The following PRKAG2 variants were observed in gnomAD, a reference collection of about 807,000 sequenced individuals.
PRKAG2 encodes 5'-AMP-activated protein kinase subunit gamma-2.
A neutral mutation model predicts 69.6 loss-of-function variants in PRKAG2; 26 were observed. That is an observed-to-expected ratio of 0.37 (90% confidence interval 0.27 to 0.52). The LOEUF (loss-of-function observed/expected upper bound fraction) is 0.52. Ranked by LOEUF, PRKAG2 falls within the 20% of genes least tolerant of loss-of-function variation. The pLI is 0.90. For synonymous variants in PRKAG2, 293 were observed against 285.0 expected (o/e 1.03, Z -0.28); for missense variants, 557 against 740.0 (o/e 0.75, Z 2.87).
chr7:151,716,114 A>G (rs1406686854), intron 3 of PRKAG2, among the ~76,000 whole-genome samples: 5 of 152,172 alleles, frequency 3.3e-5, no homozygotes, highest in Non-Finnish European at 7.3e-5. Context: ...TCTCTTTGAT[A>G]AGTGCTGGAG....
intron 1 of PRKAG2, among the ~76,000 whole-genome samples, chr7:151,803,782 A>T (rs1440778240): frequency 2.6e-5 from 4 of 151,504 alleles, no homozygotes; most frequent in African/African-American, 9.7e-5. Flanking sequence ...TACTAAATAT[A>T]CAAAAATTAG....
At chr7:151,745,913 G>C (rs550496459) in intron 3 of PRKAG2, among the ~76,000 whole-genome samples, 1 of 152,330 alleles carries the variant, frequency 6.6e-6, no homozygotes, top group African/African-American at 2.4e-5. Context: ...CAGGCCAAGA[G>C]CTCTGAGGGC....
intron 3 of PRKAG2, among the ~76,000 whole-genome samples, chr7:151,725,527 A>C (rs534030434): frequency 9.9e-5 from 15 of 152,082 alleles, no homozygotes; most frequent in African/African-American, 3.6e-4. Context: ...GTACATTGGT[A>C]AATTTTATGT....
Position 151,795,788 on chromosome 7 carries a change from T to C in PRKAG2, c.115-9247A>G, listed in dbSNP as rs1207446931. Among the ~76,000 whole-genome samples, 4 of 146,028 alleles carry C rather than the reference T, an allele frequency of 2.7e-5. No homozygotes were observed. The East Asian group carries it at 8.3e-4, about 30-fold the overall frequency. On this transcript the variant is annotated intron_variant, in intron 1 of 15. Coordinates refer to ENST00000287878, the MANE Select transcript of PRKAG2 (RefSeq NM_016203.4). ...CTGAGCTTCTAGTCCGTCTGCCCAG[T>C]GGATTCGGGACTTTCCAGTTCCGAC...
At position 151,849,417 on chromosome 7, in the gene PRKAG2, T is replaced by C. The variant is rs1378804253; in HGVS notation, c.114+27090A>G. 3.9e-5 allele frequency among the ~76,000 whole-genome samples: 6 copies of C among 152,356 alleles called. No homozygotes were observed. In the South Asian group the frequency reaches 1.2e-3, roughly 32 times the overall value. ...GAATCTCCGTGCCTCAGTTTCTCCA[T>C]GTCCCTATTAGTCTCTGTGTCTAGA... is the stretch of plus-strand genomic sequence containing the variant. On this transcript the variant is annotated intron_variant, in intron 1 of 15. Coordinates refer to ENST00000287878, the MANE Select transcript of PRKAG2 (RefSeq NM_016203.4).
At chr7:151,707,085 A>T (rs1202566279) in intron 3 of PRKAG2, among the ~76,000 whole-genome samples, 1 of 152,066 alleles carries the variant, frequency 6.6e-6, no homozygotes, top group African/African-American at 2.4e-5. Context: ...GGAAATGCTC[A>T]CAGGGGACCA....
At chr7:151,560,122 TAA>T in intron 15 of PRKAG2, 1 of 985,206 alleles carries the variant, frequency 1.0e-6, no homozygotes. Flanking sequence ...ACTCAAAATA[TAA>T]GTTTTTTTTC....
intron 1 of PRKAG2, among the ~76,000 whole-genome samples, chr7:151,866,064 G>C (rs956614600): frequency 1.3e-5 from 2 of 152,036 alleles, no homozygotes; most frequent in Non-Finnish European, 2.9e-5. Flanking sequence ...GAGAAGACAG[G>C]TTATTTATTT....
intron 5 of PRKAG2, among the ~76,000 whole-genome samples, chr7:151,596,918 G>GA (rs368128773): frequency 0.036 from 5,365 of 148,592 alleles, 310 homozygotes; most frequent in African/African-American, 0.12. Context: ...CGCAGGACAA[G>GA]AAAAAAAAAA....
chr7:151,823,207 T>C (rs1756197909), intron 1 of PRKAG2, among the ~76,000 whole-genome samples: 1 of 151,870 alleles, frequency 6.6e-6, no homozygotes, highest in Non-Finnish European at 1.5e-5. Context: ...GAAAAATGTG[T>C]ATCCAGTTTT....
At chr7:151,758,141 CT>C (rs11337617) in intron 3 of PRKAG2, among the ~76,000 whole-genome samples, 19,777 of 147,712 alleles carry the variant, frequency 0.13, 1,408 homozygotes, top group East Asian at 0.23. Context: ...ATTTTCAACT[CT>C]TTTTTTTTTT....
At chr7:151,834,904 C>T (rs2079114147) in intron 1 of PRKAG2, among the ~76,000 whole-genome samples, 1 of 152,240 alleles carries the variant, frequency 6.6e-6, no homozygotes, top group Non-Finnish European at 1.5e-5. Flanking sequence ...CCAGGCCTTT[C>T]TGCCAGCTAC....
At chr7:151,734,535 C>T (rs950364979) in intron 3 of PRKAG2, among the ~76,000 whole-genome samples, 5 of 152,124 alleles carry the variant, frequency 3.3e-5, no homozygotes, top group Admixed American at 1.3e-4. Context: ...CAAGCAGTAA[C>T]GCTGGCAATG....
chr7:151,785,375 C>G (rs1190855508), intron 2 of PRKAG2, among the ~76,000 whole-genome samples: 1 of 152,212 alleles, frequency 6.6e-6, no homozygotes, highest in African/African-American at 2.4e-5. Flanking sequence ...GGTTGGTGGC[C>G]CCTTCCTGCC....
chr7:151,769,985 G>GA lies in PRKAG2; in HGVS notation c.466+11166dup, dbSNP rs561679313. ...CCCCCTCTTGGCCACGGGGACCCCAGAAAAACCTTAAAACTGAGTTCCCGG... is the reference window on the plus strand; with the variant it reads ...CCCCCTCTTGGCCACGGGGACCCCAGAAAAAACCTTAAAACTGAGTTCCCGG... On this transcript the variant is annotated intron_variant, in intron 3 of 15. Coordinates refer to ENST00000287878, the MANE Select transcript of PRKAG2 (RefSeq NM_016203.4). 2.6e-5 allele frequency among the ~76,000 whole-genome samples: 4 copies of GA among 152,314 alleles called. No homozygotes were observed. In the South Asian group the frequency reaches 8.3e-4, roughly 32 times the overall value.
rs535628655 is a variant in PRKAG2, at chr7:151,691,927, A to C, written c.467-16290T>G. On this transcript the variant is annotated intron_variant, in intron 3 of 15. Transcript: ENST00000287878. ...AACATCCTTCAACTGGTGAATTAAT[A>C]AACTGGTACAGCACTTTGGGAGGTT... 2.6e-5 allele frequency among the ~76,000 whole-genome samples: 4 copies of C among 152,328 alleles called. No homozygotes were observed. The South Asian group carries it at 8.3e-4, about 32-fold the overall frequency.
At chr7:151,578,837 C>T (rs987895563) in intron 6 of PRKAG2, among the ~76,000 whole-genome samples, 2 of 152,108 alleles carry the variant, frequency 1.3e-5, no homozygotes, top group Non-Finnish European at 2.9e-5. Context: ...GAATGGTTTG[C>T]TATTTGTACC....
rs539248880 is a variant in PRKAG2, at chr7:151,695,572, C to T, written c.467-19935G>A. ...CAGTGGTAGCAGACACCATCCCTGC[C>T]CTCTTTCAACTGATTTTGCAAGGAC... On this transcript the variant is annotated intron_variant, in intron 3 of 15. Coordinates refer to ENST00000287878, the MANE Select transcript of PRKAG2 (RefSeq NM_016203.4). 3.9e-5 allele frequency among the ~76,000 whole-genome samples: 6 copies of T among 152,252 alleles called. 1 individual carries two copies. The highest frequency in any genetic ancestry group is 1.4e-4 in the African/African-American group (6 of 41,544).
intron 3 of PRKAG2, among the ~76,000 whole-genome samples, chr7:151,770,368 A>C (rs1481838866): frequency 6.6e-6 from 1 of 152,202 alleles, no homozygotes; most frequent in African/African-American, 2.4e-5. Flanking sequence ...GCTGCACACA[A>C]TTAGCCAATT....
Sources: allele counts gnomAD v4.1 joint callset (sites outside exome capture counted in the v4.1 genomes callset), GRCh38; gene constraint gnomAD v4.1.1; transcripts MANE v1.5; gene names NCBI Gene and HGNC (gene_info 2026-07-23, HGNC 2026-07-21).